SV2C: variants seen among roughly 807,000 people sequenced by gnomAD.
SV2C encodes synaptic vesicle glycoprotein 2C.
SV2C carries 49 observed loss-of-function variants against 79.7 expected under a neutral mutation model. That is an observed-to-expected ratio of 0.61 (90% confidence interval 0.49 to 0.78). The LOEUF (loss-of-function observed/expected upper bound fraction) is 0.78. Among genes scored for constraint, SV2C ranks in the 30% least tolerant of loss-of-function variants. The pLI is 0.00. For missense variants in SV2C, 833 were observed against 912.9 expected, an observed-to-expected ratio of 0.91 and a Z score of 1.13; for synonymous variants, 334 against 333.2, an observed-to-expected ratio of 1.00 and a Z score of -0.03.
chr5:75,918,334 G>C, the SV2C span, among the ~76,000 whole-genome samples: 2,349 of 152,178 alleles, frequency 0.015, 60 homozygotes, highest in African/African-American at 0.054. Context: ...AAATAAACAG[G>C]GGCTTTATAT....
chr5:76,237,879 T>C (rs1745657673), intron 4 of SV2C, among the ~76,000 whole-genome samples: 1 of 152,164 alleles, frequency 6.6e-6, no homozygotes, highest in Non-Finnish European at 1.5e-5. Flanking sequence ...ATGATCATAA[T>C]ATTCAAATGT....
At chr5:75,858,639 TC>T in the SV2C span, among the ~76,000 whole-genome samples, 1 of 152,230 alleles carries the variant, frequency 6.6e-6, no homozygotes, top group Non-Finnish European at 1.5e-5. Context: ...AAGTATTTTC[TC>T]CTCCTCTAAT....
Position 76,329,926 on chromosome 5 carries a change from G to T in SV2C, c.*4379G>T, listed in dbSNP as rs73764323. ...CCTCACATCGTGCCAAACTTAGTCT[G>T]GTTACTAAGCCTAAAAACACCAGTA... On this transcript the variant is annotated 3_prime_UTR_variant, in exon 13 of 13. Coordinates refer to ENST00000502798, the MANE Select transcript of SV2C (RefSeq NM_014979.4). The T allele has an allele frequency of 2.7e-3, 411 of 152,108 alleles. 1 individual carries two copies. The highest frequency in any genetic ancestry group is 9.4e-3 in the African/African-American group (388 of 41,492). 9.4% of individuals were successfully genotyped at this position (152,108 alleles called of 1,614,324 possible).
At chr5:76,125,911 G>T (rs545592465) in intron 1 of SV2C, among the ~76,000 whole-genome samples, 4 of 152,254 alleles carry the variant, frequency 2.6e-5, no homozygotes, top group South Asian at 4.2e-4. Context: ...TAAAATGTTA[G>T]CCTGGCATGG....
intron 1 of SV2C, among the ~76,000 whole-genome samples, chr5:76,111,279 T>C (rs1336611009): frequency 6.6e-6 from 1 of 152,198 alleles, no homozygotes; most frequent in African/African-American, 2.4e-5. Context: ...CTTTGAATTA[T>C]AAGTTTCTTC....
chr5:76,112,347 G>A (rs543943798), intron 1 of SV2C, among the ~76,000 whole-genome samples: 3 of 152,302 alleles, frequency 2.0e-5, no homozygotes, highest in African/African-American at 7.2e-5. Flanking sequence ...GCAGGAGGGA[G>A]GCCAGCCTCT....
At chr5:76,074,522 C>A in the SV2C span, among the ~76,000 whole-genome samples, 1 of 152,188 alleles carries the variant, frequency 6.6e-6, no homozygotes, top group African/African-American at 2.4e-5. Flanking sequence ...CCTGAATGGC[C>A]TAGAGTTTCC....
chr5:76,026,354 C>T, the SV2C span, among the ~76,000 whole-genome samples: 149 of 152,206 alleles, frequency 9.8e-4, no homozygotes, highest in African/African-American at 3.3e-3. Context: ...AGCCAAAATC[C>T]TGAGCCCAAC....
chr5:76,040,945 T>G, the SV2C span, among the ~76,000 whole-genome samples: 2 of 152,222 alleles, frequency 1.3e-5, no homozygotes, highest in African/African-American at 4.8e-5. Flanking sequence ...TTTTTACTGG[T>G]CTCAAGGTAT....
the SV2C span, among the ~76,000 whole-genome samples, chr5:76,006,932 C>T: frequency 3.9e-5 from 6 of 152,102 alleles, no homozygotes; most frequent in South Asian, 2.1e-4. Context: ...TCCTGGACTT[C>T]GTCATCATCA....
At chr5:76,109,082 A>G (rs1022706005) in intron 1 of SV2C, among the ~76,000 whole-genome samples, 1 of 152,234 alleles carries the variant, frequency 6.6e-6, no homozygotes, top group African/African-American at 2.4e-5. Flanking sequence ...CAGAAGAAGA[A>G]TTTGTGTTAG....
At chr5:76,226,136 C>T (rs1426913625) in intron 4 of SV2C, among the ~76,000 whole-genome samples, 1 of 152,160 alleles carries the variant, frequency 6.6e-6, no homozygotes, top group Non-Finnish European at 1.5e-5. Context: ...CTTTAACCTA[C>T]ACTGGTCTTC....
the SV2C span, among the ~76,000 whole-genome samples, chr5:76,038,292 G>C: frequency 6.6e-6 from 1 of 152,224 alleles, no homozygotes; most frequent in African/African-American, 2.4e-5. Context: ...GTGAGTGAAT[G>C]GATAAATGAA....
chr5:76,251,388 T>A (rs111872017), intron 4 of SV2C, among the ~76,000 whole-genome samples: 7,198 of 151,584 alleles, frequency 0.047, 506 homozygotes, highest in African/African-American at 0.15. Context: ...ACAGAAAAAA[T>A]AATAATAATA....
chr5:75,984,536 C>CTAT, the SV2C span, among the ~76,000 whole-genome samples: 1 of 144,992 alleles, frequency 6.9e-6, no homozygotes, highest in African/African-American at 2.6e-5. Context: ...GATCTATCTG[C>CTAT]CTATCTATCT....
intron 4 of SV2C, among the ~76,000 whole-genome samples, chr5:76,243,520 T>C (rs533900214): frequency 6.6e-6 from 1 of 152,262 alleles, no homozygotes; most frequent in East Asian, 1.9e-4. Flanking sequence ...CCTGGATCTT[T>C]TTCAATTTGT....
the SV2C span, among the ~76,000 whole-genome samples, chr5:75,900,099 C>A: frequency 0.017 from 2,515 of 152,170 alleles, 36 homozygotes; most frequent in African/African-American, 0.043. Flanking sequence ...GAATTTGATC[C>A]TGTCATTATG....
chr5:76,091,696 C>CT lies in SV2C; in HGVS notation c.-102+8198dup, dbSNP rs199662851. On this transcript the variant is annotated intron_variant, in intron 1 of 12. Coordinates refer to ENST00000502798, the MANE Select transcript of SV2C (RefSeq NM_014979.4). ...CACTCAGAATAAGCTTTCTATGAGA[C>CT]TTTTTTTTTTTTTTAAGCCTACAGC... The CT allele has an allele frequency of 1.0e-3, 147 of 145,198 alleles. 1 individual carries two copies. In the South Asian group the frequency reaches 0.011, roughly 11 times the overall value. 9.0% of individuals were successfully genotyped at this position (145,198 alleles called of 1,614,324 possible). A position where few individuals can be genotyped will look rare whatever the true frequency, so the allele number is the denominator to read the frequency against.
At chr5:76,338,120 G>C (rs1300970535), downstream of SV2C, among the ~76,000 whole-genome samples, 1 of 152,238 alleles carries the variant, frequency 6.6e-6, no homozygotes, top group East Asian at 1.9e-4. Flanking sequence ...ACACCAGGTG[G>C]AGAAATGAAA....
Sources: allele counts gnomAD v4.1 joint callset (sites outside exome capture counted in the v4.1 genomes callset), GRCh38; gene constraint gnomAD v4.1.1; transcripts MANE v1.5; gene names NCBI Gene and HGNC (gene_info 2026-07-23, HGNC 2026-07-21).